The following NEGR1 variants were observed in gnomAD, a reference collection of about 807,000 sequenced individuals.
The protein encoded by NEGR1 is IgLON family member 4.
NEGR1 carries 10 observed loss-of-function variants against 40.9 expected under a neutral mutation model. The ratio of observed to expected loss-of-function variants is 0.24; its 90% CI spans 0.15 to 0.42. The LOEUF (loss-of-function observed/expected upper bound fraction) is 0.42, where lower values mean the gene tolerates loss of function less well. NEGR1 is among the 10% of genes least tolerant of loss of function. The pLI is 1.00. For synonymous variants in NEGR1, 185 were observed against 166.8 expected (o/e 1.11, Z -0.84); for missense variants, 352 against 438.9 (o/e 0.80, Z 1.77).
chr1:71,937,851 AT>A (rs1211175131), intron 1 of NEGR1, among the ~76,000 whole-genome samples: 1 of 152,098 alleles, frequency 6.6e-6, no homozygotes, highest in Non-Finnish European at 1.5e-5. Context: ...TCTATTGGGC[AT>A]TTCCATTTCC....
At chr1:71,654,768 C>A (rs190127967) in intron 4 of NEGR1, among the ~76,000 whole-genome samples, 21 of 152,214 alleles carry the variant, frequency 1.4e-4, no homozygotes, top group African/African-American at 5.1e-4. Flanking sequence ...TGGATACATT[C>A]TACAAATAAA....
At chr1:71,882,379 G>A (rs576012934) in intron 2 of NEGR1, among the ~76,000 whole-genome samples, 1 of 152,146 alleles carries the variant, frequency 6.6e-6, no homozygotes, top group African/African-American at 2.4e-5. Context: ...TAGCATCTTA[G>A]GGAGTTATCT....
intron 2 of NEGR1, among the ~76,000 whole-genome samples, chr1:71,799,205 C>T (rs1220911945): frequency 6.6e-6 from 1 of 152,034 alleles, no homozygotes; most frequent in Admixed American, 6.6e-5. Context: ...GCACTCCACC[C>T]CCTGACAGGC....
chr1:71,928,411 T>C (rs1030047305), intron 2 of NEGR1, among the ~76,000 whole-genome samples: 2 of 142,220 alleles, frequency 1.4e-5, no homozygotes, highest in Non-Finnish European at 3.1e-5. Context: ...TATGTGTATG[T>C]ATATATACAC....
At chr1:72,149,525 A>G (rs189584983) in intron 1 of NEGR1, among the ~76,000 whole-genome samples, 25 of 152,282 alleles carry the variant, frequency 1.6e-4, no homozygotes, top group Admixed American at 4.6e-4. Context: ...ATTTTAACAC[A>G]TACATTTCTC....
At chr1:71,616,730 C>T (rs1284014608) in intron 4 of NEGR1, among the ~76,000 whole-genome samples, 3 of 152,146 alleles carry the variant, frequency 2.0e-5, no homozygotes, top group Admixed American at 1.3e-4. Flanking sequence ...CTACACTGCG[C>T]ACTTGTCTCA....
At chr1:71,756,643 T>G (rs12759771) in intron 3 of NEGR1, among the ~76,000 whole-genome samples, 57,791 of 151,732 alleles carry the variant, frequency 0.38, 11,336 homozygotes, top group East Asian at 0.61. Context: ...TTTTGTACTG[T>G]AATTGAATTG....
chr1:71,939,873 C>T (rs1645943672), intron 1 of NEGR1, among the ~76,000 whole-genome samples: 2 of 152,194 alleles, frequency 1.3e-5, no homozygotes, highest in South Asian at 4.1e-4. Context: ...TTAAGCCTCA[C>T]ATAACCCTAT....
intron 4 of NEGR1, among the ~76,000 whole-genome samples, chr1:71,663,113 T>C (rs985903116): frequency 5.3e-5 from 8 of 151,972 alleles, no homozygotes; most frequent in Non-Finnish European, 8.8e-5. Context: ...CCTGCCACCA[T>C]GCCTGGCTAA....
chr1:71,637,432 G>A (rs906499321), intron 4 of NEGR1, among the ~76,000 whole-genome samples: 2 of 151,810 alleles, frequency 1.3e-5, no homozygotes, highest in Non-Finnish European at 2.9e-5. Context: ...AAAGGAGGGG[G>A]GTTAGTTTAA....
intron 6 of NEGR1, among the ~76,000 whole-genome samples, chr1:71,513,853 G>A (rs931118589): frequency 1.3e-5 from 2 of 150,128 alleles, no homozygotes; most frequent in South Asian, 4.3e-4. Context: ...GTGTGCGCAG[G>A]CCAGTGTGTG....
chr1:71,808,205 A>T (rs924812990), intron 2 of NEGR1, among the ~76,000 whole-genome samples: 1 of 152,176 alleles, frequency 6.6e-6, no homozygotes, highest in Admixed American at 6.6e-5. Flanking sequence ...AAATCACTTT[A>T]AAAATGAGGA....
intron 6 of NEGR1, among the ~76,000 whole-genome samples, chr1:71,509,778 TAA>T (rs758938372): frequency 9.8e-5 from 15 of 152,294 alleles, no homozygotes; most frequent in Admixed American, 8.5e-4. Flanking sequence ...GTTCGACTAT[TAA>T]TGAAAATGTG....
At position 71,798,372 on chromosome 1, in the gene NEGR1, A is replaced by G. The variant is rs1459493831; in HGVS notation, c.410-22075T>C. On this transcript the variant is annotated intron_variant, in intron 2 of 6. Coordinates refer to ENST00000357731, the MANE Select transcript of NEGR1 (RefSeq NM_173808.3). ...GAGGTTAAACATAAAAAAATGACTA[A>G]AGAGTAAGCAAAGAAAGTATATAAA... 2.6e-5 allele frequency: 4 copies of G among 152,192 alleles called. No homozygotes were observed. In the East Asian group the frequency reaches 7.7e-4, roughly 29 times the overall value. The allele number at this position is 152,192 out of a possible 1,614,324, so 9.4% of individuals were successfully genotyped here.
intron 2 of NEGR1, among the ~76,000 whole-genome samples, chr1:71,860,737 A>C (rs1200139440): frequency 6.6e-6 from 1 of 152,038 alleles, no homozygotes; most frequent in Non-Finnish European, 1.5e-5. Context: ...TAGAGTTAAA[A>C]AGTCTTTGGA....
chr1:71,494,762 T>A (rs1204333242), intron 6 of NEGR1, among the ~76,000 whole-genome samples: 1 of 152,140 alleles, frequency 6.6e-6, no homozygotes. Context: ...ACTTCCTTCC[T>A]GAAGCATCCT....
intron 1 of NEGR1, among the ~76,000 whole-genome samples, chr1:72,086,314 T>G (rs1557519276): frequency 6.6e-6 from 1 of 152,212 alleles, no homozygotes; most frequent in African/African-American, 2.4e-5. Context: ...CAGCCTCTCC[T>G]GAATTTGTAA....
chr1:72,130,528 G>T (rs186590658), intron 1 of NEGR1, among the ~76,000 whole-genome samples: 1 of 152,038 alleles, frequency 6.6e-6, no homozygotes, highest in African/African-American at 2.4e-5. Context: ...TGAACCTGGC[G>T]TTTAGTGCTT....
intron 1 of NEGR1, among the ~76,000 whole-genome samples, chr1:72,169,211 T>C (rs1570072253): frequency 6.6e-6 from 1 of 152,270 alleles, no homozygotes; most frequent in East Asian, 1.9e-4. Context: ...TTAAATGTTG[T>C]TGAACAAAAT....
Sources: allele counts gnomAD v4.1 joint callset (sites outside exome capture counted in the v4.1 genomes callset), GRCh38; gene constraint gnomAD v4.1.1; transcripts MANE v1.5; gene names NCBI Gene and HGNC (gene_info 2026-07-23, HGNC 2026-07-21).